The following PLBD1 variants were observed in gnomAD, a reference collection of about 807,000 sequenced individuals.
PLBD1 encodes lysosomal leucine aminopeptidase.
Under a neutral mutation model 63.0 loss-of-function variants are expected in PLBD1, and 60 were observed. The ratio of observed to expected loss-of-function variants is 0.95; its 90% CI spans 0.77 to 1.18. The LOEUF is 1.18. Among genes scored for constraint, PLBD1 ranks in the 50% most tolerant of loss-of-function variants. PLBD1 has a pLI of 0.00. For synonymous variants in PLBD1, 262 were observed against 248.0 expected (o/e 1.06, Z -0.53); for missense variants, 598 against 677.9 (o/e 0.88, Z 1.31).
Position 14,536,656 on chromosome 12 carries a change from G to T in PLBD1, c.613C>A (p.Leu205Met), listed in dbSNP as rs1945518470. ...TTTGTGGGAGAGAGTGAGGGAATCA[G>T]ATCCAATAGATCTCCAACACTATTC... is the stretch of plus-strand genomic sequence containing the variant. Reference protein sequence around the residue: ...FLNSVGDLLDLIPSLSPTKNG... With the variant: ...FLNSVGDLLDMIPSLSPTKNG... The change falls in exon 5 of 11, where the codon CTG becomes ATG. Residue 205 changes from leucine to methionine, a missense_variant. By Grantham distance (15) the Leu-to-Met change is conservative (BLOSUM62 2). Coordinates refer to ENST00000240617, the MANE Select transcript of PLBD1 (RefSeq NM_024829.6). The T allele has an allele frequency of 6.2e-7, 1 of 1,614,030 alleles. No individual in the cohort carries two copies. Among genetic ancestry groups the T allele is most frequent in the African/African-American group, 1.3e-5 (1 of 74,926 alleles).
intron 1 of PLBD1, among the ~76,000 whole-genome samples, chr12:14,566,728 C>A (rs1413449916): frequency 6.6e-6 from 1 of 150,718 alleles, no homozygotes; most frequent in African/African-American, 2.4e-5. Context: ...ATGCGAATTA[C>A]TTCTGATCAA....
chr12:14,530,878 T>G (rs909356673), intron 6 of PLBD1, among the ~76,000 whole-genome samples: 2 of 152,216 alleles, frequency 1.3e-5, no homozygotes, highest in Non-Finnish European at 2.9e-5. Flanking sequence ...GCCTTAGCTG[T>G]TACTAGGCAA....
intron 6 of PLBD1, among the ~76,000 whole-genome samples, chr12:14,523,369 G>A (rs145458375): frequency 2.2e-4 from 34 of 152,058 alleles, no homozygotes; most frequent in African/African-American, 6.0e-4. Context: ...CCATGTTTAC[G>A]GATTTGAGGA....
chr12:14,548,418 C>CT (rs1945631895), intron 2 of PLBD1, among the ~76,000 whole-genome samples: 2 of 140,904 alleles, frequency 1.4e-5, no homozygotes, highest in Admixed American at 1.5e-4. Flanking sequence ...GATTGTGCCA[C>CT]TGCATTCCAG....
rs1278285321 is a variant in PLBD1 at position 14,567,732 on chromosome 12, G to A, written c.-36C>T. The A allele has an allele frequency of 2.2e-6, 3 of 1,388,770 alleles. No individual in the cohort carries two copies. Among genetic ancestry groups the A allele is most frequent in the Non-Finnish European group, 2.8e-6 (3 of 1,083,594 alleles). The allele number at this position is 1,388,770 out of a possible 1,614,324, so 86.0% of individuals were successfully genotyped here. A position where few individuals can be genotyped will look rare whatever the true frequency, so the allele number is the denominator to read the frequency against. ...CCGCGACCTTCCTCTGCGGGATCAG[G>A]CGGCCGCGGTGGCCCGCGGTGGCAG... On this transcript the variant is annotated 5_prime_UTR_variant, in exon 1 of 11. Transcript: ENST00000240617.
intron 4 of PLBD1, among the ~76,000 whole-genome samples, chr12:14,537,409 C>G (rs1325887009): frequency 6.6e-6 from 1 of 152,196 alleles, no homozygotes; most frequent in Non-Finnish European, 1.5e-5. Context: ...GTACCAGCAG[C>G]AACTTCACAG....
At position 14,548,524 on chromosome 12, in the gene PLBD1, GTTTGC is replaced by G. The variant is rs571297703; in HGVS notation, c.335+4664_335+4668del. Among the ~76,000 whole-genome samples, 19 of 149,326 alleles carry G rather than the reference GTTTGC, an allele frequency of 1.3e-4. No individual in the cohort carries two copies. In the East Asian group the frequency reaches 3.4e-3, roughly 27 times the overall value. ...TTTTTGAGGGTGAGGCTGTGTCTGA[GTTTGC>G]TTTGCCCACAGTCTGGACCTAGAAG... On this transcript the variant is annotated intron_variant, in intron 2 of 10. Coordinates refer to ENST00000240617, the MANE Select transcript of PLBD1 (RefSeq NM_024829.6).
intron 2 of PLBD1, among the ~76,000 whole-genome samples, chr12:14,544,223 G>A (rs1565578646): frequency 6.6e-6 from 1 of 152,222 alleles, no homozygotes; most frequent in Non-Finnish European, 1.5e-5. Context: ...ACCCAGGCTG[G>A]AGGGCTGCGG....
At chr12:14,547,180 T>TGTGTGTGTGTGTGTGTG (rs1945622435) in intron 2 of PLBD1, among the ~76,000 whole-genome samples, 1 of 138,142 alleles carries the variant, frequency 7.2e-6, no homozygotes, top group Non-Finnish European at 1.5e-5. Context: ...GCACCTGGCT[T>TGTGTGTGTGTGTGTGTG]TGTGTGTGTG....
intron 6 of PLBD1, among the ~76,000 whole-genome samples, chr12:14,529,879 T>C (rs1422014260): frequency 6.6e-6 from 1 of 152,178 alleles, no homozygotes; most frequent in African/African-American, 2.4e-5. Flanking sequence ...CCAAGGAATC[T>C]ACAAAAAAGC....
At chr12:14,539,983 T>G (rs528962063) in intron 4 of PLBD1, among the ~76,000 whole-genome samples, 1 of 129,792 alleles carries the variant, frequency 7.7e-6, no homozygotes, top group South Asian at 2.4e-4. Flanking sequence ...CTGGACAAAA[T>G]AGACAAAAAG....
At chr12:14,514,277 C>G (rs530765266) in intron 6 of PLBD1, among the ~76,000 whole-genome samples, 1 of 152,164 alleles carries the variant, frequency 6.6e-6, no homozygotes, top group African/African-American at 2.4e-5. Flanking sequence ...GGATTGCATT[C>G]GTGTCTTGGG....
chr12:14,535,734 T>A lies in PLBD1; in HGVS notation c.769A>T (p.Ile257Leu), dbSNP rs749022740. 2 of 1,613,982 alleles carry A rather than the reference T, an allele frequency of 1.2e-6. No homozygotes were observed. The highest frequency in any genetic ancestry group is 1.7e-6 in the Non-Finnish European group (2 of 1,179,876). Reference protein sequence around the residue: ...SWYTYAAMLRIYKHWDFNVID... With the variant: ...SWYTYAAMLRLYKHWDFNVID... ...ACGTTGAAGTCCCAGTGTTTATATA[T>A]CCTGAGCATGGCTGCATACGTGTAC... Residue 257 changes from isoleucine to leucine, a missense_variant, in exon 6 of 11, where the codon ATA (isoleucine) becomes TTA (leucine). Physicochemically the swap from Ile to Leu is conservative, Grantham distance 5 (BLOSUM62 2). Coordinates refer to ENST00000240617, the MANE Select transcript of PLBD1 (RefSeq NM_024829.6).
At chr12:14,519,309 T>C (rs1456695154) in intron 6 of PLBD1, among the ~76,000 whole-genome samples, 1 of 152,174 alleles carries the variant, frequency 6.6e-6, no homozygotes. Context: ...TAATTCAACA[T>C]GACCGGTGTC....
intron 5 of PLBD1, 49 bp from the exon 6 acceptor site, chr12:14,535,852 C>G: frequency 6.4e-7 from 1 of 1,571,970 alleles, no homozygotes; most frequent in Non-Finnish European, 8.7e-7. Flanking sequence ...AGCTAACTGA[C>G]TGCAATTGTC....
At chr12:14,513,108 A>C (rs934956493) in intron 6 of PLBD1, among the ~76,000 whole-genome samples, 1 of 152,180 alleles carries the variant, frequency 6.6e-6, no homozygotes, top group East Asian at 1.9e-4. Context: ...TCATTTAGTT[A>C]ATATTTTTGT....
chr12:14,545,440 C>G (rs1383331579), intron 2 of PLBD1, among the ~76,000 whole-genome samples: 1 of 152,234 alleles, frequency 6.6e-6, no homozygotes, highest in Non-Finnish European at 1.5e-5. Context: ...GACATTTAAT[C>G]TTGTTCTGGA....
At chr12:14,506,710 ATT>A (rs62676961) in intron 9 of PLBD1, among the ~76,000 whole-genome samples, 6,893 of 146,580 alleles carry the variant, frequency 0.047, 547 homozygotes, top group African/African-American at 0.16. Context: ...TTTACAGATG[ATT>A]TTTTTTTTTT....
At chr12:14,563,050 T>G (rs188419152) in intron 1 of PLBD1, among the ~76,000 whole-genome samples, 2 of 152,308 alleles carry the variant, frequency 1.3e-5, no homozygotes, top group East Asian at 1.9e-4. Context: ...TGAAGGAGGA[T>G]CCTTTTAAAT....
Sources: allele counts gnomAD v4.1 joint callset (sites outside exome capture counted in the v4.1 genomes callset), GRCh38; gene constraint gnomAD v4.1.1; transcripts MANE v1.5; gene names NCBI Gene and HGNC (gene_info 2026-07-23, HGNC 2026-07-21).